The following MYO6 variants were observed in gnomAD, a reference collection of about 807,000 sequenced individuals.
The protein encoded by MYO6 is myosin VI.
A neutral mutation model predicts 178.7 loss-of-function variants in MYO6; 74 were observed. The ratio of observed to expected loss-of-function variants is 0.41; its 90% CI spans 0.34 to 0.50. The LOEUF is 0.50. MYO6 is among the 20% of genes least tolerant of loss of function. The probability of loss-of-function intolerance (pLI) is 0.09; values close to 1 mark genes in which losing one functional copy is unlikely to be tolerated. For synonymous variants in MYO6, 477 were observed against 504.6 expected (o/e 0.95, Z 0.73); for missense variants, 1,330 against 1,547.4 (o/e 0.86, Z 2.36).
At chr6:75,913,519 G>A (rs1332128267) in intron 33 of MYO6, among the ~76,000 whole-genome samples, 1 of 151,878 alleles carries the variant, frequency 6.6e-6, no homozygotes, top group Non-Finnish European at 1.5e-5. Context: ...TGTCATTGTG[G>A]TCATTTTAAA....
intron 30 of MYO6, among the ~76,000 whole-genome samples, chr6:75,901,507 G>A (rs373942114): frequency 1.1e-3 from 172 of 152,170 alleles, no homozygotes; most frequent in African/African-American, 3.9e-3. Context: ...GAGTTCACTC[G>A]TGATTTGGCT....
intron 30 of MYO6, among the ~76,000 whole-genome samples, chr6:75,902,816 TTA>T: frequency 6.6e-6 from 1 of 151,446 alleles, no homozygotes; most frequent in Non-Finnish European, 1.5e-5. Context: ...AATTGTGATG[TTA>T]GGGTGTCAAT....
At position 75,906,675 on chromosome 6, in the gene MYO6, C is replaced by CA. The variant is rs1349491951; in HGVS notation, c.3177-922dup. Among the ~76,000 whole-genome samples the CA allele has an allele frequency of 7.7e-4, 116 of 150,860 alleles. 1 individual carries two copies. Among genetic ancestry groups the CA allele is most frequent in the Admixed American group, 3.0e-3 (46 of 15,192 alleles). The stretch of plus-strand genomic sequence containing the variant: ...TGGGTGAAAGAGCCAGACCCCTTCT[C>CA]AAAAAAAACAAAAAACAAAAAACAA... On this transcript the variant is annotated intron_variant, in intron 30 of 34. Coordinates refer to ENST00000369977, the MANE Select transcript of MYO6 (RefSeq NM_004999.4).
chr6:75,804,539 G>C (rs1353898741), intron 1 of MYO6, among the ~76,000 whole-genome samples: 1 of 151,900 alleles, frequency 6.6e-6, no homozygotes, highest in East Asian at 1.9e-4. Flanking sequence ...AGATCCCTGA[G>C]GGCAGGGATT....
chr6:75,826,105 A>G (rs1772439232), intron 3 of MYO6, among the ~76,000 whole-genome samples: 1 of 152,206 alleles, frequency 6.6e-6, no homozygotes, highest in African/African-American at 2.4e-5. Context: ...TAGAGCAGGA[A>G]GTTATTTGTG....
rs117153951 is a variant in MYO6, at chr6:75,749,465, G to T, written c.-48+42G>T. On this transcript the variant is annotated intron_variant, in intron 1 of 34. Coordinates refer to ENST00000369977, the MANE Select transcript of MYO6 (RefSeq NM_004999.4). ...CCCACTGCGGGGCGTCGGCGCCGGGGTCTCGCGTTCCCTGGCCCGGCCTTG... is the reference window on the plus strand; with the variant it reads ...CCCACTGCGGGGCGTCGGCGCCGGGTTCTCGCGTTCCCTGGCCCGGCCTTG... 4,442 of 152,350 alleles carry T rather than the reference G, an allele frequency of 0.029. 93 individuals are homozygous for T. Among genetic ancestry groups the T allele is most frequent in the Non-Finnish European group, 0.046 (3,164 of 68,056 alleles). 9.4% of individuals were successfully genotyped at this position (152,350 alleles called of 1,614,324 possible).
Position 75,844,966 on chromosome 6 carries a change from A to G in MYO6, c.886A>G (p.Lys296Glu), listed in dbSNP as rs140938871. ...TGACAAACAGATTTTACAGAACCGC[A>G]AAAGTCCTGAGGTATAGTAGACCAT... ...ETDKQILQNR[K>E]SPEYLKAGSM... is the part of the protein sequence containing the mutation. The change falls in exon 10 of 35, where the codon AAA becomes GAA. Residue 296 changes from lysine (K) to glutamate (E), a missense_variant. Physicochemically the swap from Lys to Glu is moderately conservative, Grantham distance 56. Transcript: ENST00000369977. 8.1e-6 allele frequency: 13 copies of G among 1,611,740 alleles called. No individual in the cohort carries two copies. Among genetic ancestry groups the G allele is most frequent in the African/African-American group, 1.3e-5 (1 of 74,848 alleles).
In MYO6 at chr6:75,915,140, C is replaced by A; in HGVS notation, c.*128C>A. 1.0e-6 allele frequency: 1 copy of A among 975,260 alleles called. No individual in the cohort carries two copies. 60.4% of individuals were successfully genotyped at this position (975,260 alleles called of 1,614,324 possible). On this transcript the variant is annotated 3_prime_UTR_variant, in exon 35 of 35. Coordinates refer to ENST00000369977, the MANE Select transcript of MYO6 (RefSeq NM_004999.4). ...TATAAAGTGAACAGATTTTATTAAT[C>A]ACGGCTTTTGGTGAATTTGTTTAAG...
chr6:75,904,836 G>A (rs1352556346), intron 30 of MYO6, among the ~76,000 whole-genome samples: 5 of 152,164 alleles, frequency 3.3e-5, no homozygotes, highest in Admixed American at 6.5e-5. Flanking sequence ...TTTCTGCTCT[G>A]TTTCTTCCCC....
intron 11 of MYO6, among the ~76,000 whole-genome samples, chr6:75,854,659 T>C (rs547072971): frequency 5.9e-5 from 9 of 152,108 alleles, no homozygotes; most frequent in Non-Finnish European, 1.3e-4. Context: ...CCAAGCAATA[T>C]GAGTACATGC....
chr6:75,796,612 A>G (rs994752257), intron 1 of MYO6, among the ~76,000 whole-genome samples: 4 of 146,814 alleles, frequency 2.7e-5, no homozygotes, highest in Non-Finnish European at 4.5e-5. Context: ...GTAGTCCCCA[A>G]TGTCTATGAC....
At chr6:75,779,385 C>T (rs1325523395) in intron 1 of MYO6, among the ~76,000 whole-genome samples, 1 of 152,002 alleles carries the variant, frequency 6.6e-6, no homozygotes, top group Admixed American at 6.6e-5. Context: ...GCCTGTGGTC[C>T]CAACTACTTG....
chr6:75,884,709 G>T (rs1208281203), intron 23 of MYO6, among the ~76,000 whole-genome samples: 2 of 152,170 alleles, frequency 1.3e-5, no homozygotes, highest in South Asian at 2.1e-4. Context: ...ATCATAGGGG[G>T]TCAAAATTGA....
intron 1 of MYO6, among the ~76,000 whole-genome samples, chr6:75,805,160 G>T (rs1671193172): frequency 6.6e-6 from 1 of 150,780 alleles, no homozygotes; most frequent in African/African-American, 2.4e-5. Flanking sequence ...AAGTAGCTGG[G>T]ATTACAGGTG....
chr6:75,891,108 G>C, intron 26 of MYO6, 120 bp from the exon 27 acceptor site: 2 of 612,982 alleles, frequency 3.3e-6, no homozygotes, highest in South Asian at 3.5e-5. Flanking sequence ...ATGTGGCCAG[G>C]AGGTTAATTT....
chr6:75,825,386 A>G (rs1367873915), intron 3 of MYO6, among the ~76,000 whole-genome samples: 2 of 152,150 alleles, frequency 1.3e-5, no homozygotes, highest in Non-Finnish European at 2.9e-5. Context: ...TGAGGTCAGG[A>G]CTTTGAGACC....
At position 75,774,125 on chromosome 6, in the gene MYO6, G is replaced by A. The variant is rs568096216; in HGVS notation, c.-48+24702G>A. Among the ~76,000 whole-genome samples, 31 of 152,244 alleles carry A rather than the reference G, an allele frequency of 2.0e-4. No individual in the cohort carries two copies. The Middle Eastern group carries it at 0.01, about 50-fold the overall frequency. ...TAGCCCCACTTAATAATTGCTTGAT[G>A]AATTATGTAAATGAATGTTCATTCA... On this transcript the variant is annotated intron_variant, in intron 1 of 34. Coordinates refer to ENST00000369977, the MANE Select transcript of MYO6 (RefSeq NM_004999.4).
At chr6:75,780,521 C>T (rs1019794468) in intron 1 of MYO6, among the ~76,000 whole-genome samples, 1 of 152,098 alleles carries the variant, frequency 6.6e-6, no homozygotes, top group Admixed American at 6.5e-5. Context: ...TTTATAGAGA[C>T]AACATAAGGT....
intron 20 of MYO6, among the ~76,000 whole-genome samples, chr6:75,879,118 T>C (rs1404969771): frequency 6.6e-6 from 1 of 152,224 alleles, no homozygotes; most frequent in Non-Finnish European, 1.5e-5. Flanking sequence ...TTCAGGAATT[T>C]TGTTCTAAAA....
Sources: gnomAD v4.1 joint callset for allele counts (sites outside exome capture counted in the v4.1 genomes callset) on GRCh38, gnomAD v4.1.1 for gene constraint, MANE v1.5 for transcripts, NCBI Gene and HGNC (gene_info 2026-07-23, HGNC 2026-07-21) for gene names.